Variants in TSR1 observed in about 807,000 individuals in gnomAD.
TSR1 encodes pre-rRNA-processing protein TSR1 homolog.
Under a neutral mutation model 90.9 loss-of-function variants are expected in TSR1, and 81 were observed. The observed-to-expected ratio is 0.89, with a 90% confidence interval of 0.74 to 1.07. TSR1 has a LOEUF of 1.07. Ranked by LOEUF, TSR1 falls within the 50% of genes least tolerant of loss-of-function variation. The pLI is 0.00. For synonymous variants in TSR1, 362 were observed against 348.8 expected (o/e 1.04, Z -0.42); for missense variants, 989 against 987.3 (o/e 1.00, Z -0.02).
At position 2,323,605 on chromosome 17, in the gene TSR1, A is replaced by G. The variant is rs779612067; in HGVS notation, c.*591T>C. 4 of 1,587,214 alleles carry G rather than the reference A, an allele frequency of 2.5e-6. No homozygotes were observed. The highest frequency in any genetic ancestry group is 2.6e-6 in the Non-Finnish European group (3 of 1,156,936). ...ATTCTCATCTGAACTTTATAGGTAA[A>G]CCAACTAGACTCCCCTTTCACTAAT... On this transcript the variant is annotated 3_prime_UTR_variant, in exon 15 of 15. Transcript: ENST00000301364.
Position 2,335,710 on chromosome 17 carries a change from C to T in TSR1, c.222G>A (p.Gln74=), listed in dbSNP as rs2064059858. The change falls in exon 3 of 15, where the codon CAG becomes CAA. Residue 74 remains glutamine (Q), a synonymous_variant. Coordinates refer to ENST00000301364, the MANE Select transcript of TSR1 (RefSeq NM_018128.5). The part of the protein sequence containing the change: ...KKEAVLAEKR[Q]LGGKDGPPHQ... The stretch of plus-strand genomic sequence containing the variant: ...GAGGAGGGCCATCCTTGCCACCCAG[C>T]TGTCTCTTCTCTGCCAGAACCTGAA... The T allele has an allele frequency of 6.2e-7, 1 of 1,613,434 alleles. No homozygotes were observed. Among genetic ancestry groups the T allele is most frequent in the South Asian group, 1.1e-5 (1 of 91,050 alleles).
intron 10 of TSR1, 30 bp downstream of exon 10, chr17:2,330,485 C>T (rs773077241): frequency 6.9e-6 from 11 of 1,591,448 alleles, no homozygotes; most frequent in East Asian, 2.2e-5. Flanking sequence ...GTTTCACAAC[C>T]CCCCATTTTC....
At chr17:2,333,811 G>A in intron 5 of TSR1, 95 bp from the exon 6 acceptor site, 2 of 1,466,096 alleles carry the variant, frequency 1.4e-6, no homozygotes, top group African/African-American at 1.4e-5. Flanking sequence ...CAGTCCTCAT[G>A]TATAAGATGA....
chr17:2,332,946 G>C lies in TSR1; in HGVS notation c.1305+15C>G. 6.2e-7 allele frequency: 1 copy of C among 1,611,366 alleles called. No homozygotes were observed. The highest frequency in any genetic ancestry group is 8.5e-7 in the Non-Finnish European group (1 of 1,178,250). ...GAGCTAGACACAGAATTGGCCTAAG[G>C]CCTCATTTCCTTACCTGAGATTCCT... On this transcript the variant is annotated intron_variant, in intron 7 of 14. Transcript: ENST00000301364.
intron 12 of TSR1, chr17:2,325,096 T>C: frequency 1.7e-6 from 1 of 591,942 alleles, no homozygotes; most frequent in Non-Finnish European, 2.9e-6. Flanking sequence ...CAAAAGGCAG[T>C]TATTTGAGGA....
intron 11 of TSR1, among the ~76,000 whole-genome samples, 183 bp from the exon 12 acceptor site, chr17:2,325,603 A>G (rs1158841934): frequency 6.6e-6 from 1 of 152,036 alleles, no homozygotes; most frequent in Non-Finnish European, 1.5e-5. Flanking sequence ...TAGTCCTATC[A>G]GTAACTTTTT....
chr17:2,329,865 C>G (rs1487658072), intron 10 of TSR1, among the ~76,000 whole-genome samples: 1 of 152,064 alleles, frequency 6.6e-6, no homozygotes, highest in Non-Finnish European at 1.5e-5. Flanking sequence ...TCACATACCC[C>G]ACAACATACA....
chr17:2,328,136 G>T (rs537678011), intron 11 of TSR1, among the ~76,000 whole-genome samples: 2 of 151,052 alleles, frequency 1.3e-5, no homozygotes, highest in African/African-American at 4.9e-5. Context: ...TCAGCTACTC[G>T]GGAAGCTGAG....
chr17:2,325,323 A>T lies in TSR1; in HGVS notation c.2001T>A (p.Leu667=). The stretch of plus-strand genomic sequence containing the variant: ...ACTTACCATTGCTTTTTTGCTTGAA[A>T]AGCAGCACAGATGCAGGAGGAAAAG... ...PITFPPASVL[L]FKQKSNGMHS... is the part of the protein sequence containing the mutation. Residue 667 remains leucine (L), a synonymous_variant, in exon 12 of 15, where the codon CTT becomes CTA. Coordinates refer to ENST00000301364, the MANE Select transcript of TSR1 (RefSeq NM_018128.5). The T allele has an allele frequency of 6.2e-7, 1 of 1,611,990 alleles. No homozygotes were observed. The highest frequency in any genetic ancestry group is 8.5e-7 in the Non-Finnish European group (1 of 1,179,514).
intron 7 of TSR1, 106 bp downstream of exon 7, chr17:2,332,855 A>T (rs1426316965): frequency 1.0e-4 from 120 of 1,203,142 alleles, no homozygotes; most frequent in Middle Eastern, 2.1e-4. Context: ...AAAATAAAAA[A>T]AATAAAAAAA....
Position 2,323,251 on chromosome 17 carries a change from C to A in TSR1, c.*945G>T. On this transcript the variant is annotated 3_prime_UTR_variant, in exon 15 of 15. Coordinates refer to ENST00000301364, the MANE Select transcript of TSR1 (RefSeq NM_018128.5). ...AATCTTTATCCTCCAGAAACCATAGCAGATGGTGTCAAATCCAGCATTGGC... is the reference window on the plus strand; with the variant it reads ...AATCTTTATCCTCCAGAAACCATAGAAGATGGTGTCAAATCCAGCATTGGC... 1 of 1,614,216 alleles carries A rather than the reference C, an allele frequency of 6.2e-7. No individual in the cohort carries two copies. The highest frequency in any genetic ancestry group is 8.5e-7 in the Non-Finnish European group (1 of 1,180,036).
chr17:2,331,025 T>C lies in TSR1; in HGVS notation c.1581A>G (p.Ile527Met). The change falls in exon 9 of 15, where the codon ATA becomes ATG. Residue 527 changes from isoleucine (I) to methionine (M), a missense_variant. Transcript: ENST00000301364. The stretch of plus-strand genomic sequence containing the variant: ...TGTTAGTAAAGTTCTGAAACTGAAA[T>C]ATTCGAGCATAATCTTGAGGAAGGT... ...KENLPQDYAR[I>M]FQFQNFTNTR... is the part of the protein sequence containing the mutation. The C allele has an allele frequency of 6.2e-7, 1 of 1,612,690 alleles. No individual in the cohort carries two copies. The highest frequency in any genetic ancestry group is 8.5e-7 in the Non-Finnish European group (1 of 1,179,680).
chr17:2,323,477 G>C lies in TSR1; in HGVS notation c.*719C>G, dbSNP rs988148879. On this transcript the variant is annotated 3_prime_UTR_variant, in exon 15 of 15. Coordinates refer to ENST00000301364, the MANE Select transcript of TSR1 (RefSeq NM_018128.5). ...CTTCATGACATGGGAGGGTACCCTA[G>C]ATGTATTAATGACAACCCTCTTGAC... is the stretch of plus-strand genomic sequence containing the variant. 2.5e-6 allele frequency: 3 copies of C among 1,182,874 alleles called. No individual in the cohort carries two copies. The highest frequency in any genetic ancestry group is 4.4e-5 in the Admixed American group (2 of 45,398). 73.3% of individuals were successfully genotyped at this position (1,182,874 alleles called of 1,614,324 possible).
rs1251874481 is a variant in TSR1 at position 2,332,274 on chromosome 17, T to A, written c.1391A>T (p.Asp464Val). ...VHDDLYDKKVDEEAEAKMLEK... is the reference protein window; with the variant it reads ...VHDDLYDKKVVEEAEAKMLEK... ...CAACATTTTTGCCTCAGCTTCTTCATCTACTTTCTTATCATACAGATCATC... is the reference window on the plus strand; with the variant it reads ...CAACATTTTTGCCTCAGCTTCTTCAACTACTTTCTTATCATACAGATCATC... The change falls in exon 8 of 15, where the codon GAT (aspartate) becomes GTT (valine). Residue 464 changes from aspartate (D) to valine (V), a missense_variant. Asp to Val is a radical substitution (Grantham distance 152, BLOSUM62 -3). Coordinates refer to ENST00000301364, the MANE Select transcript of TSR1 (RefSeq NM_018128.5). 6.2e-7 allele frequency: 1 copy of A among 1,614,106 alleles called. No individual in the cohort carries two copies. Among genetic ancestry groups the A allele is most frequent in the Admixed American group, 1.7e-5 (1 of 59,984 alleles).
Position 2,335,846 on chromosome 17 carries a change from G to T in TSR1, c.202-116C>A, listed in dbSNP as rs1030346482. The T allele has an allele frequency of 8.3e-6, 11 of 1,331,756 alleles. No individual in the cohort carries two copies. The Admixed American group carries it at 2.3e-4, about 28-fold the overall frequency. 82.5% of individuals were successfully genotyped at this position (1,331,756 alleles called of 1,614,324 possible). A position where few individuals can be genotyped will look rare whatever the true frequency, so the allele number is the denominator to read the frequency against. On this transcript the variant is annotated intron_variant, in intron 2 of 14. Transcript: ENST00000301364. ...CAAAACCAGCATCTCTCTAGTAAAA[G>T]ACCACAGGTATGCCAGCGGGGTGGC...
chr17:2,327,585 G>GT (rs1424686210), intron 11 of TSR1, among the ~76,000 whole-genome samples: 1 of 152,092 alleles, frequency 6.6e-6, no homozygotes, highest in Non-Finnish European at 1.5e-5. Context: ...TACAGATCTA[G>GT]TTTAGAGCAA....
chr17:2,336,161 G>A (rs368588264), intron 1 of TSR1, 21 bp from the exon 2 acceptor site: 10 of 1,612,788 alleles, frequency 6.2e-6, no homozygotes, highest in Admixed American at 3.3e-5. Flanking sequence ...GATTAGAAGG[G>A]GCTGGTGTGA....
chr17:2,332,350 T>A lies in TSR1; in HGVS notation c.1315A>T (p.Ser439Cys). 1 of 1,602,212 alleles carries A rather than the reference T, an allele frequency of 6.2e-7. No individual in the cohort carries two copies. Among genetic ancestry groups the A allele is most frequent in the Non-Finnish European group, 8.5e-7 (1 of 1,176,576 alleles). ...GTTTCATATTCTTCCTCTTCTTCAC[T>A]ACTCTCATCCTGTAGAATAGGATTA... The part of the protein sequence containing the change: ...FMEEESQDES[S>C]EEEEEYETMT... The change falls in exon 8 of 15, where the codon AGT becomes TGT. Residue 439 changes from serine to cysteine, a missense_variant. Physicochemically the swap from Ser to Cys is moderately radical, Grantham distance 112. Transcript: ENST00000301364.
Position 2,330,871 on chromosome 17 carries a change from G to A in TSR1, c.1659+76C>T, listed in dbSNP as rs1055289772. On this transcript the variant is annotated intron_variant, in intron 9 of 14. Transcript: ENST00000301364. The stretch of plus-strand genomic sequence containing the variant: ...ATCCCCAAATGCAGCATATTTTCAT[G>A]CCAAGAGAAGGAATAAAGTAGGGAG... The A allele has an allele frequency of 6.0e-6, 9 of 1,489,844 alleles. No homozygotes were observed. The African/African-American group carries it at 1.1e-4, about 19-fold the overall frequency. 92.3% of individuals were successfully genotyped at this position (1,489,844 alleles called of 1,614,324 possible). A position where few individuals can be genotyped will look rare whatever the true frequency, so the allele number is the denominator to read the frequency against.
Sources: gnomAD v4.1 joint callset for allele counts (sites outside exome capture counted in the v4.1 genomes callset) on GRCh38, gnomAD v4.1.1 for gene constraint, MANE v1.5 for transcripts, NCBI Gene and HGNC (gene_info 2026-07-23, HGNC 2026-07-21) for gene names.